TRABD2A: variants seen among roughly 807,000 people sequenced by gnomAD.
The protein encoded by TRABD2A is metalloprotease TIKI1.
In TRABD2A, 43 loss-of-function variants were observed where a neutral mutation model predicts 45.6. The ratio of observed to expected loss-of-function variants is 0.94; its 90% CI spans 0.74 to 1.22. The LOEUF is 1.22. Ranked by LOEUF, TRABD2A falls within the 50% of genes most tolerant of loss-of-function variation. The pLI is 0.00. For missense variants in TRABD2A, 642 were observed against 652.4 expected (o/e 0.98, Z 0.17); for synonymous variants, 269 against 265.0 (o/e 1.02, Z -0.15).
chr2:84,825,333 G>A lies in TRABD2A; in HGVS notation c.1083-1129C>T, dbSNP rs1268686555. 3.3e-5 allele frequency among the ~76,000 whole-genome samples: 5 copies of A among 152,176 alleles called. No homozygotes were observed. In the East Asian group the frequency reaches 5.8e-4, roughly 18 times the overall value. On this transcript the variant is annotated intron_variant, in intron 5 of 6. Coordinates refer to ENST00000409520, the MANE Select transcript of TRABD2A (RefSeq NM_001277053.2). ...GAGAAGTCAGTTAGTATTAATGGCC[G>A]TGTGTGAGGAAGGGAGGAGGTATAC...
chr2:84,851,373 G>A (rs1188377590), intron 2 of TRABD2A, among the ~76,000 whole-genome samples: 1 of 152,248 alleles, frequency 6.6e-6, no homozygotes, highest in Non-Finnish European at 1.5e-5. Context: ...AGTGGGTGAT[G>A]TCACCTTGGT....
intron 2 of TRABD2A, among the ~76,000 whole-genome samples, chr2:84,855,407 A>G (rs771221906): frequency 9.9e-5 from 15 of 152,130 alleles, no homozygotes; most frequent in Non-Finnish European, 2.1e-4. Context: ...CTACTTTCAC[A>G]TTAGTGCTTG....
At chr2:84,852,604 G>T (rs957038403) in intron 2 of TRABD2A, among the ~76,000 whole-genome samples, 6 of 152,162 alleles carry the variant, frequency 3.9e-5, no homozygotes, top group Non-Finnish European at 5.9e-5. Context: ...GTGGAGGAGG[G>T]TGTTGCAGCT....
chr2:84,824,394 TC>T (rs200457159), intron 5 of TRABD2A, among the ~76,000 whole-genome samples, 190 bp from the exon 6 acceptor site: 1 of 151,980 alleles, frequency 6.6e-6, no homozygotes, highest in Non-Finnish European at 1.5e-5. Flanking sequence ...GCCTTTTTTT[TC>T]CCCTCAGATA....
chr2:84,870,985 A>C (rs1682856797), intron 1 of TRABD2A, among the ~76,000 whole-genome samples, 200 bp from the exon 2 acceptor site: 1 of 152,204 alleles, frequency 6.6e-6, no homozygotes, highest in South Asian at 2.1e-4. Flanking sequence ...TCAGGGGCTC[A>C]TTAGGACTCT....
chr2:84,828,916 A>T (rs57954098), intron 5 of TRABD2A, among the ~76,000 whole-genome samples: 3,129 of 152,266 alleles, frequency 0.021, 85 homozygotes, highest in African/African-American at 0.067. Context: ...ACAGATTCTG[A>T]TAGAGAGAAC....
intron 4 of TRABD2A, among the ~76,000 whole-genome samples, chr2:84,835,763 A>G (rs553987670): frequency 6.7e-6 from 1 of 150,106 alleles, no homozygotes; most frequent in African/African-American, 2.5e-5. Context: ...GGCTAATGCT[A>G]TATCTTCACA....
chr2:84,839,594 C>T (rs1199131988), intron 3 of TRABD2A, among the ~76,000 whole-genome samples: 1 of 151,388 alleles, frequency 6.6e-6, no homozygotes, highest in African/African-American at 2.4e-5. Flanking sequence ...CTGTCTGATG[C>T]CGTGTGTTTA....
intron 4 of TRABD2A, chr2:84,837,862 T>A: frequency 5.1e-6 from 1 of 194,382 alleles, no homozygotes; most frequent in Non-Finnish European, 1.0e-5. Context: ...TGCATGTGAC[T>A]CTCTAGGAAT....
At chr2:84,851,146 T>A (rs78465909) in intron 2 of TRABD2A, 1 of 152,226 alleles carries the variant, frequency 6.6e-6, no homozygotes, top group Non-Finnish European at 1.5e-5. Flanking sequence ...CTCTTTATCA[T>A]TGGAGGCCAC....
intron 1 of TRABD2A, among the ~76,000 whole-genome samples, chr2:84,875,240 T>G (rs113929203): frequency 0.041 from 6,265 of 152,274 alleles, 159 homozygotes; most frequent in South Asian, 0.083. Flanking sequence ...TGAATGTCTA[T>G]AAAGACATCT....
intron 5 of TRABD2A, among the ~76,000 whole-genome samples, chr2:84,831,841 C>T (rs1348891996): frequency 6.6e-6 from 1 of 152,206 alleles, no homozygotes; most frequent in African/African-American, 2.4e-5. Flanking sequence ...GCCCCTGCAG[C>T]CCAAAGTGTC....
At chr2:84,848,727 C>A (rs1397241346) in intron 2 of TRABD2A, among the ~76,000 whole-genome samples, 1 of 151,692 alleles carries the variant, frequency 6.6e-6, no homozygotes, top group African/African-American at 2.4e-5. Flanking sequence ...AGGCACCCAC[C>A]ACCACGCCCA....
At position 84,837,895 on chromosome 2, in the gene TRABD2A, C is replaced by A. The variant is rs187219418; in HGVS notation, c.991+1254G>T. 9.0e-5 allele frequency: 24 copies of A among 266,228 alleles called. No homozygotes were observed. The South Asian group carries it at 1.9e-3, about 21-fold the overall frequency. 16.5% of individuals were successfully genotyped at this position (266,228 alleles called of 1,614,324 possible). On this transcript the variant is annotated intron_variant, in intron 4 of 6. Coordinates refer to ENST00000409520, the MANE Select transcript of TRABD2A (RefSeq NM_001277053.2). The stretch of plus-strand genomic sequence containing the variant: ...AATATTTTAGAGCTTTTCTATACCC[C>A]CTATGGGATTTTGCTTTTAAGTTTT...
At chr2:84,865,614 A>AT (rs1682650717) in intron 2 of TRABD2A, among the ~76,000 whole-genome samples, 1 of 152,242 alleles carries the variant, frequency 6.6e-6, no homozygotes, top group Non-Finnish European at 1.5e-5. Context: ...CAAAGGACAG[A>AT]TTCCATGCTG....
At chr2:84,831,571 G>A (rs1681339543) in intron 5 of TRABD2A, among the ~76,000 whole-genome samples, 1 of 151,904 alleles carries the variant, frequency 6.6e-6, no homozygotes, top group Non-Finnish European at 1.5e-5. Context: ...CTAGGGAGGA[G>A]GAAACAGCTC....
chr2:84,878,351 C>A (rs1559101510), intron 1 of TRABD2A, among the ~76,000 whole-genome samples: 1 of 152,050 alleles, frequency 6.6e-6, no homozygotes, highest in Non-Finnish European at 1.5e-5. Context: ...ATAGTGGAAC[C>A]CCATCTCTAC....
chr2:84,843,274 C>T (rs1681772103), intron 2 of TRABD2A, among the ~76,000 whole-genome samples: 1 of 152,054 alleles, frequency 6.6e-6, no homozygotes, highest in African/African-American at 2.4e-5. Flanking sequence ...CAGGCTTGGT[C>T]CATCTGTGTT....
chr2:84,861,320 C>T (rs116289333), intron 2 of TRABD2A, among the ~76,000 whole-genome samples: 2,501 of 152,140 alleles, frequency 0.016, 56 homozygotes, highest in African/African-American at 0.058. Context: ...GAGTAGAATC[C>T]GTAGGAGCCC....
Sources: allele counts gnomAD v4.1 joint callset (sites outside exome capture counted in the v4.1 genomes callset), GRCh38; gene constraint gnomAD v4.1.1; transcripts MANE v1.5; gene names NCBI Gene and HGNC (gene_info 2026-07-23, HGNC 2026-07-21).